Variants in PPFIA2 observed in about 807,000 individuals in gnomAD.
The protein encoded by PPFIA2 is liprin-alpha-2.
In PPFIA2, 46 loss-of-function variants were observed where a neutral mutation model predicts 175.5. That is an observed-to-expected ratio of 0.26 (90% CI 0.21 to 0.34). The LOEUF is 0.34. PPFIA2 is among the 10% of genes least tolerant of loss of function. The pLI is 1.00. For synonymous variants in PPFIA2, 568 were observed against 511.4 expected, an observed-to-expected ratio of 1.11 and a Z score of -1.49; for missense variants, 1,179 against 1,506.1, an observed-to-expected ratio of 0.78 and a Z score of 3.60.
chr12:81,446,714 A>T (rs1042372108), intron 5 of PPFIA2, among the ~76,000 whole-genome samples: 1 of 152,232 alleles, frequency 6.6e-6, no homozygotes, highest in Non-Finnish European at 1.5e-5. Context: ...AAAGATTTAA[A>T]AACAGATATA....
Position 81,353,110 on chromosome 12 carries a change from T to G in PPFIA2, c.1994+9A>C. 1 of 1,611,428 alleles carries G rather than the reference T, an allele frequency of 6.2e-7. No individual in the cohort carries two copies. The highest frequency in any genetic ancestry group is 8.5e-7 in the Non-Finnish European group (1 of 1,177,654). On this transcript the variant is annotated intron_variant, in intron 17 of 32. Coordinates refer to ENST00000549396, the MANE Select transcript of PPFIA2 (RefSeq NM_003625.5). ...ATTTCTTGAAATCATCAGTACTAAT[T>G]GAAGTTACCTGATTTCTTTGTTGAT...
At chr12:81,294,222 A>G (rs1406063087) in intron 24 of PPFIA2, among the ~76,000 whole-genome samples, 2 of 152,134 alleles carry the variant, frequency 1.3e-5, no homozygotes. Context: ...GGCACACTGG[A>G]AGCCCCAAAA....
chr12:81,338,997 C>A (rs980702127), intron 21 of PPFIA2, among the ~76,000 whole-genome samples, 183 bp downstream of exon 21: 2 of 152,024 alleles, frequency 1.3e-5, no homozygotes, highest in Admixed American at 6.6e-5. Flanking sequence ...TACCCTTTCA[C>A]TAAGTTGTAT....
intron 20 of PPFIA2, among the ~76,000 whole-genome samples, chr12:81,340,109 T>C (rs2057799438): frequency 1.3e-5 from 2 of 152,222 alleles, no homozygotes; most frequent in South Asian, 4.1e-4. Context: ...TGTGAATTAA[T>C]TTGAACTCAC....
rs1271977101 is a variant in PPFIA2 at position 81,462,260 on chromosome 12, T to TATATATATATATATATGTTAGAAAAC, written c.304-4420_304-4395dup. Among the ~76,000 whole-genome samples, 39 of 133,990 alleles carry TATATATATATATATATGTTAGAAAAC rather than the reference T, an allele frequency of 2.9e-4. 1 individual carries two copies. In the South Asian group the frequency reaches 3.6e-3, roughly 12 times the overall value. 87.9% of individuals were successfully genotyped at this position (133,990 alleles called of 152,430 possible). ...GTCTGCCATGCTTTTCTAACATATA[T>TATATATATATATATATGTTAGAAAAC]ATATATATATATATATGTTAGAAAA... On this transcript the variant is annotated intron_variant, in intron 4 of 32. Transcript: ENST00000549396.
At chr12:81,302,678 A>C (rs1321289286) in intron 22 of PPFIA2, 2 of 453,254 alleles carry the variant, frequency 4.4e-6, no homozygotes, top group Non-Finnish European at 8.9e-6. Context: ...CATGATGGTA[A>C]CTCCAGATGT....
intron 22 of PPFIA2, among the ~76,000 whole-genome samples, chr12:81,314,633 T>A (rs2051855366): frequency 2.6e-5 from 4 of 152,012 alleles, no homozygotes; most frequent in South Asian, 2.1e-4. Context: ...TTCCTCACCT[T>A]GATCTTCCAG....
chr12:81,404,658 C>T (rs1407321097), intron 8 of PPFIA2, among the ~76,000 whole-genome samples: 1 of 152,102 alleles, frequency 6.6e-6, no homozygotes, highest in Middle Eastern at 3.2e-3. Context: ...AATTCGTGGT[C>T]TTATGTGAAG....
At position 81,437,901 on chromosome 12, in the gene PPFIA2, A is replaced by G. The variant is rs185491356; in HGVS notation, c.645+2071T>C. On this transcript the variant is annotated intron_variant, in intron 7 of 32. Coordinates refer to ENST00000549396, the MANE Select transcript of PPFIA2 (RefSeq NM_003625.5). The stretch of plus-strand genomic sequence containing the variant: ...ATTATTCCAGAGGTTCTTTTCTTCT[A>G]TGATGACTGAGAGGTACCAATCTCT... Among the ~76,000 whole-genome samples the G allele has an allele frequency of 2.6e-3, 396 of 151,374 alleles. 1 individual carries two copies. Among genetic ancestry groups the G allele is most frequent in the African/African-American group, 9.2e-3 (382 of 41,352 alleles).
intron 4 of PPFIA2, among the ~76,000 whole-genome samples, chr12:81,520,923 C>T (rs2063042607): frequency 6.6e-6 from 1 of 151,870 alleles, no homozygotes; most frequent in South Asian, 2.1e-4. Flanking sequence ...ATTAGAACTG[C>T]AATGGGAAAT....
At chr12:81,647,049 A>T (rs1413518679) in intron 4 of PPFIA2, among the ~76,000 whole-genome samples, 3 of 72,376 alleles carry the variant, frequency 4.1e-5, no homozygotes, top group African/African-American at 2.0e-4. Flanking sequence ...AATTTGAAGG[A>T]ACTGGTTAAA....
chr12:81,535,651 A>G (rs1216332880), intron 4 of PPFIA2: 6 of 309,964 alleles, frequency 1.9e-5, no homozygotes, highest in African/African-American at 1.3e-4. Context: ...ATACACACAC[A>G]CACACAAAAC....
At chr12:81,484,382 A>C (rs1186581979) in intron 4 of PPFIA2, among the ~76,000 whole-genome samples, 1 of 151,976 alleles carries the variant, frequency 6.6e-6, no homozygotes, top group Non-Finnish European at 1.5e-5. Flanking sequence ...CTAGTGATGA[A>C]GATGTGTGCA....
intron 11 of PPFIA2, among the ~76,000 whole-genome samples, chr12:81,370,542 T>C (rs1171276821): frequency 6.6e-6 from 1 of 151,934 alleles, no homozygotes; most frequent in Non-Finnish European, 1.5e-5. Flanking sequence ...TTTGTGACTC[T>C]CCTAAATGAC....
At chr12:81,342,833 C>T (rs1048839405) in intron 19 of PPFIA2, among the ~76,000 whole-genome samples, 2 of 151,880 alleles carry the variant, frequency 1.3e-5, no homozygotes, top group Admixed American at 1.3e-4. Flanking sequence ...TCTTTGTCCT[C>T]CCTGCCAGCC....
chr12:81,312,083 A>T, intron 22 of PPFIA2: 1 of 1,408,876 alleles, frequency 7.1e-7, no homozygotes, highest in Non-Finnish European at 9.6e-7. Flanking sequence ...AACTCAAAAG[A>T]GTAATACTCT....
chr12:81,275,968 T>G (rs1052158024), intron 28 of PPFIA2, among the ~76,000 whole-genome samples: 7 of 151,986 alleles, frequency 4.6e-5, no homozygotes, highest in African/African-American at 1.7e-4. Flanking sequence ...GTATTTTTAG[T>G]AGAAACAGGG....
At chr12:81,584,848 T>C (rs1475050481) in intron 4 of PPFIA2, among the ~76,000 whole-genome samples, 1 of 125,176 alleles carries the variant, frequency 8.0e-6, no homozygotes, top group Non-Finnish European at 1.6e-5. Context: ...TATTTTATAA[T>C]TATAAATATA....
intron 4 of PPFIA2, among the ~76,000 whole-genome samples, chr12:81,548,059 T>A (rs1007018225): frequency 6.6e-6 from 1 of 152,156 alleles, no homozygotes; most frequent in Non-Finnish European, 1.5e-5. Flanking sequence ...TTCCAAATAA[T>A]GGTATGAGGT....
Sources: gnomAD v4.1 joint callset for allele counts (sites outside exome capture counted in the v4.1 genomes callset) on GRCh38, gnomAD v4.1.1 for gene constraint, MANE v1.5 for transcripts, NCBI Gene and HGNC (gene_info 2026-07-23, HGNC 2026-07-21) for gene names.